The following NPAS3 variants were observed in gnomAD, a reference collection of about 807,000 sequenced individuals.
NPAS3 encodes neuronal PAS domain protein 3, also known as neuronal PAS domain-containing protein 3.
In NPAS3, 14 loss-of-function variants were observed where a neutral mutation model predicts 73.1. The ratio of observed to expected loss-of-function variants is 0.19; its 90% CI spans 0.13 to 0.30. The LOEUF (loss-of-function observed/expected upper bound fraction) is 0.30, where lower values mean the gene tolerates loss of function less well. NPAS3 is among the 10% of genes least tolerant of loss of function. The probability of loss-of-function intolerance (pLI) is 1.00; values close to 1 mark genes in which losing one functional copy is unlikely to be tolerated. For synonymous variants in NPAS3, 620 were observed against 541.5 expected (o/e 1.14, Z -2.01); for missense variants, 1,096 against 1,250.0 (o/e 0.88, Z 1.86).
chr14:33,269,203 G>C (rs1228374868), intron 3 of NPAS3, among the ~76,000 whole-genome samples: 1 of 152,086 alleles, frequency 6.6e-6, no homozygotes, highest in East Asian at 1.9e-4. Context: ...AATAAAAATA[G>C]CTAAAATCTG....
chr14:32,987,007 A>G (rs983676047), intron 1 of NPAS3, among the ~76,000 whole-genome samples: 1 of 152,100 alleles, frequency 6.6e-6, no homozygotes, highest in Non-Finnish European at 1.5e-5. Flanking sequence ...CCGGGAAGAG[A>G]GCGGTGTGCC....
intron 2 of NPAS3, among the ~76,000 whole-genome samples, chr14:33,069,245 A>G (rs1002525723): frequency 9.9e-5 from 15 of 152,240 alleles, no homozygotes; most frequent in African/African-American, 3.6e-4. Flanking sequence ...GCACTCAATC[A>G]CATGTATGCA....
chr14:32,953,100 A>G (rs2036545953), intron 1 of NPAS3, among the ~76,000 whole-genome samples: 1 of 151,388 alleles, frequency 6.6e-6, no homozygotes, highest in African/African-American at 2.4e-5. Flanking sequence ...AAAGCAAACA[A>G]CAACAAAAAA....
At chr14:33,537,186 C>T (rs934470980) in intron 4 of NPAS3, among the ~76,000 whole-genome samples, 11 of 152,132 alleles carry the variant, frequency 7.2e-5, no homozygotes, top group African/African-American at 2.2e-4. Context: ...AATAAATGAA[C>T]ATTTTTGTCT....
At chr14:33,147,034 A>G (rs1249607838) in intron 2 of NPAS3, among the ~76,000 whole-genome samples, 1 of 152,186 alleles carries the variant, frequency 6.6e-6, no homozygotes, top group Non-Finnish European at 1.5e-5. Flanking sequence ...GGAGCAAGTT[A>G]AGATTTTTGT....
chr14:33,790,200 A>G lies in NPAS3; in HGVS notation c.1154-3697A>G, dbSNP rs10149252. On this transcript the variant is annotated intron_variant, in intron 9 of 11. Coordinates refer to ENST00000356141, the Ensembl canonical transcript of NPAS3. ...GAGTATCTATCTCTTTTCAAGGGAC[A>G]ATTAACTCTTTTTAAGGACTTTCAT... Among the ~76,000 whole-genome samples the G allele has an allele frequency of 2.6e-3, 393 of 152,298 alleles. 1 individual carries two copies. Among genetic ancestry groups the G allele is most frequent in the African/African-American group, 9.1e-3 (377 of 41,562 alleles).
Position 33,065,032 on chromosome 14 carries a change from C to T in NPAS3, c.140+9038C>T, listed in dbSNP as rs535053733. 7.2e-5 allele frequency among the ~76,000 whole-genome samples: 11 copies of T among 152,168 alleles called. 1 individual carries two copies. The South Asian group carries it at 2.3e-3, about 32-fold the overall frequency. On this transcript the variant is annotated intron_variant, in intron 2 of 11. Coordinates refer to ENST00000356141, the Ensembl canonical transcript of NPAS3. ...TTTTTGATGTGACACTTATATTTTTCCTGGTGTTGAAATTCAGGATTTTTA... is the reference window on the plus strand; with the variant it reads ...TTTTTGATGTGACACTTATATTTTTTCTGGTGTTGAAATTCAGGATTTTTA...
chr14:33,535,950 G>A (rs1011922024), intron 4 of NPAS3, among the ~76,000 whole-genome samples: 1 of 152,126 alleles, frequency 6.6e-6, no homozygotes, highest in African/African-American at 2.4e-5. Flanking sequence ...TATGTTTAGA[G>A]GCCACTGGTT....
At chr14:33,358,208 G>T (rs925924362) in intron 3 of NPAS3, among the ~76,000 whole-genome samples, 1 of 152,184 alleles carries the variant, frequency 6.6e-6, no homozygotes, top group Non-Finnish European at 1.5e-5. Context: ...AGGTGTGCAC[G>T]TCAGGGTTTT....
chr14:33,495,178 T>C (rs1283007229), intron 4 of NPAS3, among the ~76,000 whole-genome samples: 1 of 152,126 alleles, frequency 6.6e-6, no homozygotes, highest in African/African-American at 2.4e-5. Context: ...ACATTGTGTC[T>C]TTGTTCTCAC....
chr14:33,458,268 TAGAA>T (rs1363534784), intron 4 of NPAS3, among the ~76,000 whole-genome samples: 1 of 152,250 alleles, frequency 6.6e-6, no homozygotes, highest in Non-Finnish European at 1.5e-5. Flanking sequence ...TAGAAATATT[TAGAA>T]AGAAATTCCA....
intron 5 of NPAS3, among the ~76,000 whole-genome samples, chr14:33,600,668 G>A (rs2139995624): frequency 6.6e-6 from 1 of 152,286 alleles, no homozygotes; most frequent in South Asian, 2.1e-4. Flanking sequence ...ACAGGAAGTG[G>A]TGACTACCTT....
intron 2 of NPAS3, among the ~76,000 whole-genome samples, chr14:33,192,767 CT>C (rs2046216719): frequency 6.6e-6 from 1 of 152,150 alleles, no homozygotes; most frequent in South Asian, 2.1e-4. Flanking sequence ...GCTCTTCACT[CT>C]TCACATGGTG....
At chr14:33,415,935 G>A (rs2138964492) in intron 4 of NPAS3, among the ~76,000 whole-genome samples, 1 of 152,134 alleles carries the variant, frequency 6.6e-6, no homozygotes, top group Non-Finnish European at 1.5e-5. Context: ...TAAGATTTGA[G>A]TGGATTGAAG....
In NPAS3 at chr14:33,355,020, G is replaced by A. The variant is rs187483488; in HGVS notation, c.386-12166G>A. ...ACTTTTCAGATGGATGCCGAATGCC[G>A]TGTGTGAACTGAGAACTCCTTTGCA... On this transcript the variant is annotated intron_variant, in intron 3 of 11. Transcript: ENST00000356141. 1.4e-4 allele frequency among the ~76,000 whole-genome samples: 21 copies of A among 150,792 alleles called. No individual in the cohort carries two copies. In the East Asian group the frequency reaches 2.7e-3, roughly 19 times the overall value.
chr14:33,172,085 A>T (rs2139383706), intron 2 of NPAS3, among the ~76,000 whole-genome samples: 1 of 152,324 alleles, frequency 6.6e-6, no homozygotes, highest in Admixed American at 6.5e-5. Flanking sequence ...AACAAATGTA[A>T]CAGTGACATC....
intron 4 of NPAS3, among the ~76,000 whole-genome samples, chr14:33,491,140 C>G (rs2051874419): frequency 1.3e-5 from 2 of 152,138 alleles, no homozygotes; most frequent in Admixed American, 1.3e-4. Flanking sequence ...TGTGAACAAA[C>G]CTCCACAAGT....
chr14:33,473,569 G>C (rs537631677), intron 4 of NPAS3, among the ~76,000 whole-genome samples: 1 of 152,316 alleles, frequency 6.6e-6, no homozygotes, highest in East Asian at 1.9e-4. Flanking sequence ...TGGGCAGAAA[G>C]CATAGTCCTG....
intron 5 of NPAS3, among the ~76,000 whole-genome samples, chr14:33,604,897 GA>G (rs549811693): frequency 5.3e-5 from 8 of 151,996 alleles, no homozygotes; most frequent in Non-Finnish European, 1.0e-4. Context: ...AATGTATTAT[GA>G]ATGAAATAAA....
Sources: gnomAD v4.1 joint callset for allele counts (sites outside exome capture counted in the v4.1 genomes callset) on GRCh38, gnomAD v4.1.1 for gene constraint, MANE v1.5 for transcripts, NCBI Gene and HGNC (gene_info 2026-07-23, HGNC 2026-07-21) for gene names.